DYNLL1: variants seen among roughly 807,000 people sequenced by gnomAD.
DYNLL1 encodes the protein dynein light chain 1, cytoplasmic.
DYNLL1 carries 3 observed loss-of-function variants against 10.1 expected under a neutral mutation model. The observed-to-expected ratio is 0.30, with a 90% CI of 0.14 to 0.77. The LOEUF (loss-of-function observed/expected upper bound fraction) is 0.77. Ranked by LOEUF, DYNLL1 falls within the 30% of genes least tolerant of loss-of-function variation. DYNLL1 has a pLI of 0.66. For synonymous variants in DYNLL1, 46 were observed against 41.2 expected (o/e 1.12, Z -0.45); for missense variants, 47 against 111.7 (o/e 0.42, Z 2.61).
chr12:120,472,663 C>G (rs1289342884), intron 1 of DYNLL1, among the ~76,000 whole-genome samples: 1 of 152,156 alleles, frequency 6.6e-6, no homozygotes, highest in East Asian at 1.9e-4. Context: ...CTAAGTGACT[C>G]AATAGGACTG....
chr12:120,485,779 T>C (rs747533083), intron 1 of DYNLL1, among the ~76,000 whole-genome samples: 28 of 146,740 alleles, frequency 1.9e-4, no homozygotes, highest in Non-Finnish European at 3.3e-4. Context: ...AGTTTGAGGC[T>C]GTAGTGAGGT....
upstream of DYNLL1, chr12:120,495,917 C>T (rs893263436): frequency 1.8e-5 from 3 of 169,430 alleles, no homozygotes; most frequent in Admixed American, 5.5e-5. Context: ...CCCGGGCAAC[C>T]GACGCCGTGA....
At chr12:120,471,164 G>C (rs1284225780) in intron 1 of DYNLL1, among the ~76,000 whole-genome samples, 1 of 151,066 alleles carries the variant, frequency 6.6e-6, no homozygotes, top group East Asian at 2.0e-4. Flanking sequence ...AGGAGTTCAA[G>C]ACCAGCCTGG....
chr12:120,471,638 T>C (rs1410914459), intron 1 of DYNLL1, among the ~76,000 whole-genome samples: 1 of 151,790 alleles, frequency 6.6e-6, no homozygotes, highest in Non-Finnish European at 1.5e-5. Context: ...TGAGACGGAG[T>C]CTTACACTGT....
intron 2 of DYNLL1, chr12:120,497,581 T>C (rs1180906670): frequency 6.5e-6 from 1 of 152,962 alleles, no homozygotes; most frequent in African/African-American, 2.4e-5. Context: ...TGGTATACAA[T>C]GCTGTTTGAA....
chr12:120,496,872 C>T (rs1223194967), intron 2 of DYNLL1: 1 of 507,408 alleles, frequency 2.0e-6, no homozygotes, highest in Admixed American at 3.8e-5. Flanking sequence ...TCTGGGTGTT[C>T]CGGAGGGGGG....
chr12:120,481,366 G>GC (rs1478801673), intron 1 of DYNLL1, among the ~76,000 whole-genome samples: 5 of 152,048 alleles, frequency 3.3e-5, no homozygotes, highest in African/African-American at 1.2e-4. Context: ...CCACAAGACC[G>GC]CCCCCACTTT....
At chr12:120,476,642 G>A (rs1473457786) in intron 1 of DYNLL1, among the ~76,000 whole-genome samples, 5 of 152,084 alleles carry the variant, frequency 3.3e-5, no homozygotes, top group African/African-American at 9.7e-5. Flanking sequence ...ACAGAGTTTC[G>A]CTCTTGTCAC....
chr12:120,498,086 A>G lies in DYNLL1; in HGVS notation c.146A>G (p.Lys49Arg). The G allele has an allele frequency of 6.2e-7, 1 of 1,613,420 alleles. No individual in the cohort carries two copies. Among genetic ancestry groups the G allele is most frequent in the Non-Finnish European group, 8.5e-7 (1 of 1,179,840 alleles). The change falls in exon 3 of 3, where the codon AAG becomes AGG. Residue 49 changes from lysine to arginine, a missense_variant. Physicochemically the swap from Lys to Arg is conservative, Grantham distance 26 (BLOSUM62 2). Transcript: ENST00000242577. ...TGTCTTTTCCAGGAATTTGACAAGA[A>G]GTACAATCCCACCTGGCATTGCATC... ...AAHIKKEFDK[K>R]YNPTWHCIVG...
rs532554383 is a variant in DYNLL1, at chr12:120,475,046, G to A, written c.-7+4942G>A. Among the ~76,000 whole-genome samples the A allele has an allele frequency of 2.0e-5, 3 of 152,310 alleles. No individual in the cohort carries two copies. In the South Asian group the frequency reaches 6.2e-4, roughly 32 times the overall value. On this transcript the variant is annotated intron_variant, in intron 1 of 2. Coordinates refer to the DYNLL1 transcript ENST00000392509. ...GTTTGGAATTGGGGGTGAGCTTTAGGAAAGCAAGTGTCAAGTGTGGGAGGA... is the reference window on the plus strand; with the variant it reads ...GTTTGGAATTGGGGGTGAGCTTTAGAAAAGCAAGTGTCAAGTGTGGGAGGA...
chr12:120,497,991 C>T, intron 2 of DYNLL1, 82 bp from the exon 3 acceptor site: 1 of 1,402,154 alleles, frequency 7.1e-7, no homozygotes, highest in Non-Finnish European at 9.6e-7. Flanking sequence ...CCTTTCTGCC[C>T]CTACAGGCTC....
chr12:120,471,887 A>G (rs1390176848), intron 1 of DYNLL1, among the ~76,000 whole-genome samples: 1 of 152,154 alleles, frequency 6.6e-6, no homozygotes, highest in East Asian at 1.9e-4. Flanking sequence ...CTGGGAATAC[A>G]GGCGTGAGCC....
intron 1 of DYNLL1, among the ~76,000 whole-genome samples, chr12:120,482,415 C>T (rs1261558351): frequency 2.0e-5 from 3 of 151,944 alleles, no homozygotes; most frequent in Non-Finnish European, 2.9e-5. Context: ...CTCCACCTCC[C>T]GGGTTCACGC....
chr12:120,481,446 C>A (rs1878877701), intron 1 of DYNLL1, among the ~76,000 whole-genome samples: 1 of 152,112 alleles, frequency 6.6e-6, no homozygotes. Context: ...TTCAGAGGTT[C>A]CCACTCACCC....
chr12:120,491,664 A>T (rs1452190672), upstream of DYNLL1: 1 of 152,246 alleles, frequency 6.6e-6, no homozygotes, highest in East Asian at 1.9e-4. Flanking sequence ...AGGTGAGGAG[A>T]GCTGCAGACC....
At chr12:120,489,786 C>T (rs1879079992) in intron 1 of DYNLL1, among the ~76,000 whole-genome samples, 1 of 152,198 alleles carries the variant, frequency 6.6e-6, no homozygotes, top group Admixed American at 6.5e-5. Context: ...CTCTCTCTGT[C>T]ACCCAGACTG....
chr12:120,481,379 A>C (rs778797689), intron 1 of DYNLL1, among the ~76,000 whole-genome samples: 1 of 152,208 alleles, frequency 6.6e-6, no homozygotes, highest in Non-Finnish European at 1.5e-5. Context: ...CCCACTTTAG[A>C]TGCCTGCACA....
At chr12:120,475,825 T>A (rs1418959507) in intron 1 of DYNLL1, among the ~76,000 whole-genome samples, 1 of 152,208 alleles carries the variant, frequency 6.6e-6, no homozygotes, top group African/African-American at 2.4e-5. Context: ...CACTTCCCTT[T>A]ACAGCCCTAT....
At chr12:120,493,292 C>T (rs947677402), upstream of DYNLL1, among the ~76,000 whole-genome samples, 1 of 152,120 alleles carries the variant, frequency 6.6e-6, no homozygotes, top group African/African-American at 2.4e-5. Flanking sequence ...AATCCCAAAA[C>T]TTAGGGAGGC....
Sources: allele counts gnomAD v4.1 joint callset (sites outside exome capture counted in the v4.1 genomes callset), GRCh38; gene constraint gnomAD v4.1.1; transcripts MANE v1.5; gene names NCBI Gene and HGNC (gene_info 2026-07-23, HGNC 2026-07-21).